The following TDRP variants were observed in gnomAD, a reference collection of about 807,000 sequenced individuals.
TDRP encodes testis development related protein.
TDRP carries 12 observed loss-of-function variants against 10.5 expected under a neutral mutation model. That is an observed-to-expected ratio of 1.15 (90% CI 0.73 to 1.86). The LOEUF is 1.86. Ranked by LOEUF, TDRP falls within the 40% of genes most tolerant of loss-of-function variation. TDRP has a pLI of 0.00. For missense variants in TDRP, 353 were observed against 229.2 expected, an observed-to-expected ratio of 1.54 and a Z score of -3.49; for synonymous variants, 139 against 95.4, an observed-to-expected ratio of 1.46 and a Z score of -2.67.
intron 2 of TDRP, 46 bp downstream of exon 2, chr8:494,448 C>T (rs1480740039): frequency 1.3e-6 from 2 of 1,566,524 alleles, no homozygotes; most frequent in South Asian, 1.1e-5. Flanking sequence ...TCAGTGACTT[C>T]CTCCCTCTCC....
At chr8:542,919 T>C (rs1170355701) in intron 1 of TDRP, among the ~76,000 whole-genome samples, 1 of 151,698 alleles carries the variant, frequency 6.6e-6, no homozygotes, top group Non-Finnish European at 1.5e-5. Context: ...AAAAGGAGCT[T>C]TAACGAAGGC....
At chr8:499,980 G>GA (rs1455446471) in intron 1 of TDRP, among the ~76,000 whole-genome samples, 6 of 152,172 alleles carry the variant, frequency 3.9e-5, no homozygotes, top group East Asian at 3.9e-4. Flanking sequence ...TGGGAAGGCA[G>GA]AAAAAACCTA....
chr8:529,738 T>C (rs1300522884), intron 1 of TDRP, among the ~76,000 whole-genome samples: 2 of 152,226 alleles, frequency 1.3e-5, no homozygotes, highest in African/African-American at 2.4e-5. Flanking sequence ...AATCTGCTGA[T>C]AATCTTATGG....
intron 1 of TDRP, among the ~76,000 whole-genome samples, chr8:498,876 A>C (rs995277740): frequency 7.8e-6 from 1 of 128,366 alleles, no homozygotes; most frequent in Non-Finnish European, 1.6e-5. Context: ...AGTGTGTGGC[A>C]CCTCCCTGTT....
chr8:494,505 G>A lies in TDRP; in HGVS notation c.201C>T (p.Pro67=). The A allele has an allele frequency of 6.2e-7, 1 of 1,613,656 alleles. No individual in the cohort carries two copies. The highest frequency in any genetic ancestry group is 8.5e-7 in the Non-Finnish European group (1 of 1,179,696). Residue 67 remains proline (P), a synonymous_variant, in exon 2 of 3, where the codon CCC becomes CCT. Coordinates refer to ENST00000324079, the MANE Select transcript of TDRP (RefSeq NM_001384899.1). The stretch of plus-strand genomic sequence containing the variant: ...CAGTTATGACTTACCCTTTGGACTT[G>A]GGAGATTTACATCTTTCCAGGAGAT... ...EQHLLERCKS[P]KSKGTNLRLK...
chr8:545,615 C>A (rs997647344), upstream of TDRP: 1 of 152,142 alleles, frequency 6.6e-6, no homozygotes, highest in Non-Finnish European at 1.5e-5. Flanking sequence ...CGCCTGTACC[C>A]CAGCGCTTCA....
chr8:505,979 C>T (rs1263837645), intron 1 of TDRP, among the ~76,000 whole-genome samples: 1 of 152,128 alleles, frequency 6.6e-6, no homozygotes, highest in Non-Finnish European at 1.5e-5. Flanking sequence ...TGGGAGCTAT[C>T]TGGAAATGTG....
Position 544,769 on chromosome 8 carries a change from C to G in TDRP, c.-12G>C. ...CCCAGCTTCCACATGGTCAGGCGGG[C>G]TCCGGCGTCCCTCCGTCCGTGCGTC... On this transcript the variant is annotated 5_prime_UTR_variant, in exon 1 of 3. Coordinates refer to ENST00000324079, the MANE Select transcript of TDRP (RefSeq NM_001384899.1). 1 of 1,232,530 alleles carries G rather than the reference C, an allele frequency of 8.1e-7. No individual in the cohort carries two copies. The highest frequency in any genetic ancestry group is 1.0e-6 in the Non-Finnish European group (1 of 986,058). 76.3% of individuals were successfully genotyped at this position (1,232,530 alleles called of 1,614,324 possible).
intron 1 of TDRP, among the ~76,000 whole-genome samples, chr8:522,623 T>A (rs1405765822): frequency 6.6e-6 from 1 of 152,214 alleles, no homozygotes; most frequent in Non-Finnish European, 1.5e-5. Context: ...CAGATCTCCC[T>A]CCGCCCCATG....
At chr8:507,543 C>G (rs1026338284) in intron 1 of TDRP, among the ~76,000 whole-genome samples, 1 of 152,130 alleles carries the variant, frequency 6.6e-6, no homozygotes. Flanking sequence ...CATGCGGTCA[C>G]GGACAGAGGA....
At chr8:526,262 T>A (rs1802032223) in intron 1 of TDRP, among the ~76,000 whole-genome samples, 1 of 152,128 alleles carries the variant, frequency 6.6e-6, no homozygotes, top group African/African-American at 2.4e-5. Flanking sequence ...CCTATCAAAG[T>A]GCTAGAATTA....
In TDRP at chr8:495,977, G is replaced by A. The variant is rs142501445; in HGVS notation, c.109-1380C>T. ...GTCTGCATCTGTAGACGGGGGACAG[G>A]CCCTCCAACAGTTGTGACTGGAGAG... On this transcript the variant is annotated intron_variant, in intron 1 of 2. Coordinates refer to ENST00000324079, the MANE Select transcript of TDRP (RefSeq NM_001384899.1). 7.7e-4 allele frequency among the ~76,000 whole-genome samples: 118 copies of A among 152,318 alleles called. 1 individual carries two copies. Among genetic ancestry groups the A allele is most frequent in the Middle Eastern group, 6.8e-3 (2 of 294 alleles).
At chr8:542,182 G>A (rs747524562) in intron 1 of TDRP, among the ~76,000 whole-genome samples, 1 of 152,198 alleles carries the variant, frequency 6.6e-6, no homozygotes, top group Non-Finnish European at 1.5e-5. Context: ...CACTGTGAAT[G>A]CAACCAAATG....
At chr8:533,153 T>C (rs890061902) in intron 1 of TDRP, among the ~76,000 whole-genome samples, 1 of 152,128 alleles carries the variant, frequency 6.6e-6, no homozygotes, top group East Asian at 1.9e-4. Context: ...AACAACAAAT[T>C]ATGAGTTCTG....
chr8:506,625 G>A (rs140376472), intron 1 of TDRP, among the ~76,000 whole-genome samples: 125 of 152,308 alleles, frequency 8.2e-4, no homozygotes, highest in African/African-American at 2.9e-3. Context: ...GGAGAAGCAA[G>A]CTGATACGAC....
intron 1 of TDRP, among the ~76,000 whole-genome samples, chr8:531,896 T>C (rs756898517): frequency 2.0e-4 from 31 of 152,106 alleles, no homozygotes; most frequent in African/African-American, 5.8e-4. Context: ...GTTTAAGAAA[T>C]TGGAACAGGA....
In TDRP at chr8:490,221, A is replaced by C. The variant is rs76243503; in HGVS notation, c.*2178T>G. On this transcript the variant is annotated 3_prime_UTR_variant, in exon 3 of 3. Coordinates refer to ENST00000324079, the MANE Select transcript of TDRP (RefSeq NM_001384899.1). ...TCCCAAAGCACACCAATAAATATTT[A>C]TATTAAAAACCACAGTTAATTTAAT... is the stretch of plus-strand genomic sequence containing the variant. 1 of 152,240 alleles carries C rather than the reference A, an allele frequency of 6.6e-6. No individual in the cohort carries two copies. The highest frequency in any genetic ancestry group is 1.5e-5 in the Non-Finnish European group (1 of 68,042). 9.4% of individuals were successfully genotyped at this position (152,240 alleles called of 1,614,324 possible).
chr8:514,774 C>T (rs756514416), intron 1 of TDRP, among the ~76,000 whole-genome samples: 4 of 152,050 alleles, frequency 2.6e-5, no homozygotes, highest in Admixed American at 1.3e-4. Flanking sequence ...AAGGCCCACC[C>T]GAGAAGCAAC....
At chr8:495,268 T>C (rs942705218) in intron 1 of TDRP, among the ~76,000 whole-genome samples, 23 of 151,946 alleles carry the variant, frequency 1.5e-4, no homozygotes, top group East Asian at 1.9e-4. Flanking sequence ...ACAAAACACA[T>C]AGGAGACTGA....
Sources: gnomAD v4.1 joint callset for allele counts (sites outside exome capture counted in the v4.1 genomes callset) on GRCh38, gnomAD v4.1.1 for gene constraint, MANE v1.5 for transcripts, NCBI Gene and HGNC (gene_info 2026-07-23, HGNC 2026-07-21) for gene names.